Variants in SGK1 observed in about 807,000 individuals in gnomAD.
SGK1 encodes the protein serine/threonine-protein kinase Sgk1.
In SGK1, 26 loss-of-function variants were observed where a neutral mutation model predicts 64.2. The observed-to-expected ratio is 0.40, with a 90% CI of 0.30 to 0.56. The LOEUF (loss-of-function observed/expected upper bound fraction) is 0.56, where lower values mean the gene tolerates loss of function less well. Ranked by LOEUF, SGK1 falls within the 20% of genes least tolerant of loss-of-function variation. The probability of loss-of-function intolerance (pLI) is 0.38; values close to 1 mark genes in which losing one functional copy is unlikely to be tolerated. For missense variants in SGK1, 519 were observed against 645.6 expected (o/e 0.80, Z 2.12); for synonymous variants, 265 against 239.7 (o/e 1.11, Z -0.98).
intron 3 of SGK1, chr6:134,174,998 T>G: frequency 8.6e-7 from 1 of 1,163,542 alleles, no homozygotes; most frequent in Non-Finnish European, 1.2e-6. Context: ...TGCTGGCGGC[T>G]ACGCTGCCTG....
chr6:134,282,266 T>C (rs886173274), intron 1 of SGK1, among the ~76,000 whole-genome samples: 1 of 152,136 alleles, frequency 6.6e-6, no homozygotes, highest in Non-Finnish European at 1.5e-5. Flanking sequence ...AATAGGGGTA[T>C]TGACAAACTA....
chr6:134,176,548 C>T (rs1385037407), intron 3 of SGK1, among the ~76,000 whole-genome samples: 2 of 152,140 alleles, frequency 1.3e-5, no homozygotes, highest in African/African-American at 4.8e-5. Flanking sequence ...GCGACTGGGC[C>T]CGGAGCGGGC....
chr6:134,243,358 T>A (rs2114727278), intron 2 of SGK1, among the ~76,000 whole-genome samples: 1 of 152,202 alleles, frequency 6.6e-6, no homozygotes, highest in East Asian at 1.9e-4. Context: ...TTTTTATTTA[T>A]TTATCTATTT....
chr6:134,296,997 C>A, intron 1 of SGK1: 1 of 427,550 alleles, frequency 2.3e-6, no homozygotes, highest in South Asian at 1.8e-5. Context: ...CATGGCTGTT[C>A]ACTCGGGCAG....
chr6:134,211,322 A>G (rs905042505), intron 2 of SGK1: 1 of 152,134 alleles, frequency 6.6e-6, no homozygotes, highest in Non-Finnish European at 1.5e-5. Context: ...TTTTTCATTT[A>G]TAGGAAACAT....
At chr6:134,228,203 C>T (rs1430715274) in intron 2 of SGK1, among the ~76,000 whole-genome samples, 1 of 151,982 alleles carries the variant, frequency 6.6e-6, no homozygotes, top group African/African-American at 2.4e-5. Flanking sequence ...GATCCACCCG[C>T]CTCGGCCTCC....
intron 1 of SGK1, among the ~76,000 whole-genome samples, chr6:134,303,970 G>A (rs1399372718): frequency 6.6e-6 from 1 of 152,132 alleles, no homozygotes; most frequent in Non-Finnish European, 1.5e-5. Context: ...ATGACACCCA[G>A]GACTCGGCCT....
At chr6:134,276,125 G>A (rs936985171) in intron 1 of SGK1, among the ~76,000 whole-genome samples, 2 of 152,172 alleles carry the variant, frequency 1.3e-5, no homozygotes, top group African/African-American at 2.4e-5. Context: ...CACAAGGAAA[G>A]AGACTCACTA....
At chr6:134,300,463 G>A (rs1183695439) in intron 1 of SGK1, among the ~76,000 whole-genome samples, 7 of 149,076 alleles carry the variant, frequency 4.7e-5, no homozygotes, top group African/African-American at 9.8e-5. Flanking sequence ...GCATGAACCC[G>A]GGAGGCGGAG....
At chr6:134,177,947 G>T in intron 3 of SGK1, 1 of 930,228 alleles carries the variant, frequency 1.1e-6, no homozygotes, top group Non-Finnish European at 1.6e-6. Flanking sequence ...TCTCCCCATT[G>T]CGACATCACT....
intron 3 of SGK1, among the ~76,000 whole-genome samples, chr6:134,198,216 T>C (rs984260091): frequency 2.6e-5 from 4 of 152,358 alleles, no homozygotes; most frequent in African/African-American, 7.2e-5. Context: ...TACCGCTTTG[T>C]AGTTATGACC....
At position 134,171,544 on chromosome 6, in the gene SGK1, G is replaced by C. The variant is rs1775026090; in HGVS notation, c.1167+93C>G. The C allele has an allele frequency of 9.4e-6, 8 of 847,378 alleles. No individual in the cohort carries two copies. In the South Asian group the frequency reaches 1.2e-4, roughly 13 times the overall value. 52.5% of individuals were successfully genotyped at this position (847,378 alleles called of 1,614,324 possible). On this transcript the variant is annotated intron_variant, in intron 11 of 13. Transcript: ENST00000367858. ...TTAGCTGCTTTTGATAAGCGTACTG[G>C]TAAGGGCAAGACACCATGGCCAAGC...
chr6:134,268,946 GAAA>G (rs60194315), intron 1 of SGK1, among the ~76,000 whole-genome samples: 1,270 of 103,640 alleles, frequency 0.012, 55 homozygotes, highest in African/African-American at 0.033. Flanking sequence ...TCTTTACTTG[GAAA>G]AAAAAAAAAA....
At chr6:134,176,967 G>GC (rs1036792437) in intron 3 of SGK1, among the ~76,000 whole-genome samples, 2 of 152,202 alleles carry the variant, frequency 1.3e-5, no homozygotes, top group Non-Finnish European at 2.9e-5. Flanking sequence ...TGTAATCCCA[G>GC]CACTTTGGGA....
Position 134,174,508 on chromosome 6 carries a change from T to TA in SGK1, c.437+2dup. ...TTATTTCCTCAAATCCGGTCAAACT[T>TA]ACTGTTTGCATGCATAGGAGTTATT... On this transcript the variant is annotated splice_region_variant and intron_variant, in intron 4 of 13. Transcript: ENST00000367858. 2 of 1,607,866 alleles carry TA rather than the reference T, an allele frequency of 1.2e-6. No individual in the cohort carries two copies. The highest frequency in any genetic ancestry group is 1.7e-6 in the Non-Finnish European group (2 of 1,174,256).
chr6:134,270,208 G>T lies in SGK1; in HGVS notation c.70-8060C>A, dbSNP rs1303365155. 3.9e-4 allele frequency among the ~76,000 whole-genome samples: 58 copies of T among 148,036 alleles called. 3 individuals carry two copies. The highest frequency in any genetic ancestry group is 7.3e-4 in the East Asian group (3 of 4,100). ...TCCCAAGCCTGTTGGGATTACAGGC[G>T]TGAGCCACCGCACCAGGCCTATTAC... is the stretch of plus-strand genomic sequence containing the variant. On this transcript the variant is annotated intron_variant, in intron 1 of 13. Transcript: ENST00000367858.
At chr6:134,185,925 T>C (rs1193920208) in intron 3 of SGK1, among the ~76,000 whole-genome samples, 1 of 152,108 alleles carries the variant, frequency 6.6e-6, no homozygotes, top group African/African-American at 2.4e-5. Flanking sequence ...CACGGTTCTA[T>C]CTAGGCTCCC....
chr6:134,173,372 T>C lies in SGK1; in HGVS notation c.619-15A>G. On this transcript the variant is annotated splice_polypyrimidine_tract_variant and intron_variant, in intron 6 of 13. Coordinates refer to ENST00000367858, the MANE Select transcript of SGK1 (RefSeq NM_001143676.3). Reference sequence around the variant, plus strand: ...GCTAGAAGAACCTGAAATTTCAATTTAAAAAAATCATTTTTCTATCCTCAT... The same window carrying C: ...GCTAGAAGAACCTGAAATTTCAATTCAAAAAAATCATTTTTCTATCCTCAT... The C allele has an allele frequency of 6.2e-7, 1 of 1,606,480 alleles. No individual in the cohort carries two copies. The highest frequency in any genetic ancestry group is 8.5e-7 in the Non-Finnish European group (1 of 1,174,164).
chr6:134,171,873 G>A (rs1775038592), intron 10 of SGK1, 141 bp from the exon 11 acceptor site: 3 of 651,874 alleles, frequency 4.6e-6, no homozygotes, highest in Non-Finnish European at 8.0e-6. Flanking sequence ...TGATAAAACT[G>A]CTGGACTTTT....
Sources: gnomAD v4.1 joint callset for allele counts (sites outside exome capture counted in the v4.1 genomes callset) on GRCh38, gnomAD v4.1.1 for gene constraint, MANE v1.5 for transcripts, NCBI Gene and HGNC (gene_info 2026-07-23, HGNC 2026-07-21) for gene names.